The following USP9Y variants were observed in gnomAD, a reference collection of about 807,000 sequenced individuals.
USP9Y encodes ubiquitin carboxyl-terminal hydrolase 9Y.
Under a neutral mutation model 53.1 loss-of-function variants are expected in USP9Y, and 41 were observed. The observed-to-expected ratio is 0.77, with a 90% CI of 0.60 to 1.00. USP9Y has a LOEUF of 1.00. Among genes scored for constraint, USP9Y ranks in the 50% least tolerant of loss-of-function variants. USP9Y has a pLI of 0.00. For synonymous variants in USP9Y, 220 were observed against 173.7 expected (o/e 1.27, Z -2.09); for missense variants, 567 against 535.8 (o/e 1.06, Z -0.58).
intron 7 of USP9Y, 43 bp downstream of exon 7, chrY:12,726,836 T>A (rs770288292): frequency 3.1e-6 from 1 of 321,818 alleles, no homozygotes; most frequent in African/African-American, 6.9e-5. Context: ...TTAATTTTTT[T>A]ATTTGCATTT....
intron 42 of USP9Y, among the ~76,000 whole-genome samples, chrY:12,855,956 T>C (rs2053575711): frequency 5.6e-4 from 16 of 28,453 alleles, no homozygotes; most frequent in Admixed American, 5.0e-3. Flanking sequence ...TTCTATCTCT[T>C]AAAAAAAAAA....
chrY:12,850,529 T>C, intron 42 of USP9Y, among the ~76,000 whole-genome samples: 1 of 29,757 alleles, frequency 3.4e-5, no homozygotes, highest in Non-Finnish European at 8.0e-5. Flanking sequence ...TGCCTTCTGC[T>C]AGCTTTTGAA....
chrY:12,810,002 TTGAGGATTAGCTCCC>T (rs2053528227), intron 27 of USP9Y, among the ~76,000 whole-genome samples, 162 bp from the exon 28 acceptor site: 3 of 33,306 alleles, frequency 9.0e-5, no homozygotes, highest in Non-Finnish European at 2.2e-4. Context: ...AGGTAACAAT[TTGAGGATTAGCTCCC>T]TGACAAGTAT....
intron 3 of USP9Y, among the ~76,000 whole-genome samples, chrY:12,715,404 C>T (rs2053429694): frequency 3.4e-5 from 1 of 29,773 alleles, no homozygotes; most frequent in Admixed American, 3.1e-4. Flanking sequence ...CTGCAACCAC[C>T]GCCTCCCAGG....
chrY:12,849,423 T>C (rs934979007), intron 42 of USP9Y, among the ~76,000 whole-genome samples: 1 of 32,832 alleles, frequency 3.0e-5, no homozygotes, highest in Non-Finnish European at 7.5e-5. Context: ...CATTTCCTAA[T>C]TGAATATCCT....
chrY:12,716,896 C>G, intron 3 of USP9Y, among the ~76,000 whole-genome samples: 1 of 34,099 alleles, frequency 2.9e-5, no homozygotes, highest in Non-Finnish European at 7.3e-5. Context: ...GCGTGAGCCC[C>G]CACGCCCGGC....
At chrY:12,720,781 A>T in intron 4 of USP9Y, 44 bp downstream of exon 4, 1 of 378,566 alleles carries the variant, frequency 2.6e-6, no homozygotes, top group Non-Finnish European at 3.8e-6. Flanking sequence ...GCAGTAAACT[A>T]GAAAAGCAAA....
intron 42 of USP9Y, among the ~76,000 whole-genome samples, chrY:12,854,595 G>T: frequency 3.1e-5 from 1 of 32,726 alleles, no homozygotes; most frequent in African/African-American, 1.2e-4. Flanking sequence ...GTAGAGACGG[G>T]GTTTCACCAT....
At chrY:12,833,581 T>C in intron 33 of USP9Y, 107 bp from the exon 34 acceptor site, 1 of 249,440 alleles carries the variant, frequency 4.0e-6, no homozygotes, top group East Asian at 9.8e-5. Context: ...CCTTTCTATG[T>C]GGCTTAAACT....
At chrY:12,766,174 A>G in intron 15 of USP9Y, among the ~76,000 whole-genome samples, 2 of 34,001 alleles carry the variant, frequency 5.9e-5, no homozygotes, top group Admixed American at 2.7e-4. Context: ...GAGGGCTTTC[A>G]TCATCTTTTC....
rs769754428 is a variant in USP9Y, at chrY:12,779,521, T to C, written c.3031-5T>C. On this transcript the variant is annotated splice_polypyrimidine_tract_variant and splice_region_variant and intron_variant, in intron 21 of 45. Transcript: ENST00000338981. ...GGTAAATATTTTGTATATTCTGTAT[T>C]CTAGATAATGTCAGTGCATCCCAGA... 2.5e-6 allele frequency: 1 copy of C among 395,316 alleles called. No individual in the cohort carries two copies. The highest frequency in any genetic ancestry group is 7.6e-5 in the Admixed American group (1 of 13,120).
chrY:12,734,770 T>C (rs554649191), intron 7 of USP9Y, among the ~76,000 whole-genome samples: 24 of 33,195 alleles, frequency 7.2e-4, no homozygotes, highest in African/African-American at 2.8e-3. Flanking sequence ...AAATTATTTC[T>C]CTCAAGATTG....
At position 12,816,308 on chromosome Y, in the gene USP9Y, C is replaced by T. The variant is rs1185238098; in HGVS notation, c.4794C>T (p.His1598=). The T allele has an allele frequency of 5.0e-6, 2 of 398,440 alleles. No individual in the cohort carries two copies. Among genetic ancestry groups the T allele is most frequent in the Non-Finnish European group, 3.5e-6 (1 of 283,285 alleles). Residue 1598 remains histidine (H), a synonymous_variant, in exon 32 of 46, where the codon CAC becomes CAT. Transcript: ENST00000338981. Reference sequence around the variant, plus strand: ...TTGAAGGCACAGGTAGTGATTTACACGATGATATGTTCGGGGATGAGAAGC... The same window carrying T: ...TTGAAGGCACAGGTAGTGATTTACATGATGATATGTTCGGGGATGAGAAGC... The part of the protein sequence containing the change: ...LAIEGTGSDL[H]DDMFGDEKQD...
chrY:12,793,155 G>A lies in USP9Y; in HGVS notation c.3937G>A (p.Ala1313Thr). 2.5e-6 allele frequency: 1 copy of A among 398,390 alleles called. No homozygotes were observed. The highest frequency in any genetic ancestry group is 6.2e-5 in the African/African-American group (1 of 16,252). Residue 1313 changes from alanine to threonine, a missense_variant, in exon 27 of 46, where the codon GCC becomes ACC. Ala to Thr is a moderately conservative substitution (Grantham distance 58). Coordinates refer to ENST00000338981, the MANE Select transcript of USP9Y (RefSeq NM_004654.4). The stretch of plus-strand genomic sequence containing the variant: ...GTTGGATGCACTTAGTAAAGAAAAA[G>A]CCTGGCAGACCTTCATCATTGACTT... ...TALDALSKEK[A>T]WQTFIIDLLL...
intron 1 of USP9Y, among the ~76,000 whole-genome samples, chrY:12,705,508 G>C (rs2053418883): frequency 9.7e-5 from 3 of 30,914 alleles, no homozygotes; most frequent in Non-Finnish European, 1.6e-4. Context: ...TTTTTGTCTG[G>C]TTGGGTAGAA....
intron 12 of USP9Y, among the ~76,000 whole-genome samples, chrY:12,744,154 G>A (rs2053459198): frequency 3.0e-5 from 1 of 33,559 alleles, no homozygotes; most frequent in African/African-American, 1.2e-4. Context: ...AGAGGAGTCC[G>A]AGTGGATTGC....
intron 15 of USP9Y, among the ~76,000 whole-genome samples, chrY:12,761,113 C>G (rs1010476369): frequency 3.0e-5 from 1 of 33,824 alleles, no homozygotes; most frequent in African/African-American, 1.2e-4. Flanking sequence ...AGGCACCCAC[C>G]ACTATGCCCT....
intron 27 of USP9Y, among the ~76,000 whole-genome samples, 199 bp from the exon 28 acceptor site, chrY:12,809,980 T>C (rs2053528181): frequency 3.0e-5 from 1 of 33,471 alleles, no homozygotes; most frequent in African/African-American, 1.2e-4. Flanking sequence ...GTAGTAATAT[T>C]CCTAGCCTAC....
chrY:12,810,906 A>G, intron 29 of USP9Y, 88 bp downstream of exon 29: 3 of 248,492 alleles, frequency 1.2e-5, no homozygotes, highest in African/African-American at 7.7e-5. Context: ...TTTAGTCTCT[A>G]TTTTTATTTG....
Sources: allele counts gnomAD v4.1 joint callset (sites outside exome capture counted in the v4.1 genomes callset), GRCh38; gene constraint gnomAD v4.1.1; transcripts MANE v1.5; gene names NCBI Gene and HGNC (gene_info 2026-07-23, HGNC 2026-07-21).